The following TBCK variants were observed in gnomAD, a reference collection of about 807,000 sequenced individuals.
TBCK encodes TBC1 domain containing kinase.
A neutral mutation model predicts 113.4 loss-of-function variants in TBCK; 99 were observed. The observed-to-expected ratio is 0.87, with a 90% CI of 0.74 to 1.03. The LOEUF (loss-of-function observed/expected upper bound fraction) is 1.03. TBCK is among the 50% of genes least tolerant of loss of function. The pLI is 0.00. For missense variants in TBCK, 1,045 were observed against 1,061.3 expected (o/e 0.98, Z 0.21); for synonymous variants, 369 against 370.8 (o/e 1.00, Z 0.05).
intron 10 of TBCK, among the ~76,000 whole-genome samples, chr4:106,246,585 T>C (rs975500560): frequency 2.6e-5 from 4 of 152,096 alleles, no homozygotes; most frequent in Non-Finnish European, 5.9e-5. Context: ...TGTGTTTATG[T>C]GTATTCTAGC....
At chr4:106,306,583 CAGA>C (rs1418974902) in intron 2 of TBCK, among the ~76,000 whole-genome samples, 1 of 151,162 alleles carries the variant, frequency 6.6e-6, no homozygotes, top group East Asian at 1.9e-4. Flanking sequence ...TGGCATCTAG[CAGA>C]AGGAGGGCCA....
chr4:106,215,592 A>G (rs1218144118), intron 19 of TBCK, among the ~76,000 whole-genome samples: 1 of 152,200 alleles, frequency 6.6e-6, no homozygotes, highest in Non-Finnish European at 1.5e-5. Context: ...CAGACTTTAA[A>G]CCAGCAAAGA....
At chr4:106,182,188 G>T (rs1752474940) in intron 22 of TBCK, among the ~76,000 whole-genome samples, 1 of 152,080 alleles carries the variant, frequency 6.6e-6, no homozygotes, top group South Asian at 2.1e-4. Context: ...TTAGTGCACA[G>T]AAATACTTGT....
chr4:106,170,199 T>C (rs1244548903), intron 23 of TBCK, among the ~76,000 whole-genome samples: 5 of 152,120 alleles, frequency 3.3e-5, no homozygotes, highest in African/African-American at 7.2e-5. Flanking sequence ...ATTTGAGAAC[T>C]TACTTTCTTC....
At chr4:106,111,301 G>A (rs1299532916) in intron 24 of TBCK, among the ~76,000 whole-genome samples, 7 of 152,112 alleles carry the variant, frequency 4.6e-5, no homozygotes, top group East Asian at 3.9e-4. Flanking sequence ...CATGACTTAC[G>A]TGCTATTGAT....
intron 3 of TBCK, among the ~76,000 whole-genome samples, chr4:106,281,862 T>G (rs1579499150): frequency 6.6e-6 from 1 of 152,088 alleles, no homozygotes; most frequent in East Asian, 1.9e-4. Flanking sequence ...GGCCTGTAGT[T>G]TTCTTTCTTT....
chr4:106,232,224 T>C (rs565718586), intron 17 of TBCK, among the ~76,000 whole-genome samples: 1 of 151,934 alleles, frequency 6.6e-6, no homozygotes, highest in African/African-American at 2.4e-5. Flanking sequence ...ATATATGACA[T>C]TTCTTTTATT....
chr4:106,316,502 A>T (rs935435072), upstream of TBCK: 14 of 1,539,890 alleles, frequency 9.1e-6, no homozygotes, highest in Non-Finnish European at 1.2e-5. Context: ...AGGACACCTC[A>T]TTGGGTCCTT....
Position 106,211,592 on chromosome 4 carries a change from C to T in TBCK, c.1860+1158G>A, listed in dbSNP as rs571217614. 7.9e-5 allele frequency among the ~76,000 whole-genome samples: 12 copies of T among 151,992 alleles called. No homozygotes were observed. The South Asian group carries it at 2.1e-3, about 26-fold the overall frequency. On this transcript the variant is annotated intron_variant, in intron 20 of 25. Coordinates refer to ENST00000394708, the MANE Select transcript of TBCK (RefSeq NM_001163435.3). ...GTCTCAATATAAAATGTATTTCTTC[C>T]CATGCATTGTGAGAATAAACAGTTT...
chr4:106,231,711 A>G lies in TBCK; in HGVS notation c.1690+18T>C, dbSNP rs758050099. 19 of 1,596,106 alleles carry G rather than the reference A, an allele frequency of 1.2e-5. 2 individuals carry two copies. The South Asian group carries it at 2.0e-4, about 17-fold the overall frequency. On this transcript the variant is annotated intron_variant, in intron 18 of 25. Coordinates refer to ENST00000394708, the MANE Select transcript of TBCK (RefSeq NM_001163435.3). ...GAATATTATGCGCAATGATTATTTA[A>G]ATGTTAAAGAGGCTTACCTTCATTA...
At chr4:106,088,263 AC>A (rs1241246198) in intron 25 of TBCK, among the ~76,000 whole-genome samples, 10 of 152,210 alleles carry the variant, frequency 6.6e-5, no homozygotes, top group African/African-American at 2.4e-4. Context: ...CAAGAAAAAA[AC>A]AAACCATCCC....
At chr4:106,239,521 C>T (rs190127291) in intron 12 of TBCK, among the ~76,000 whole-genome samples, 3 of 151,918 alleles carry the variant, frequency 2.0e-5, no homozygotes, top group East Asian at 1.9e-4. Context: ...ATAGGTGTGG[C>T]GTTGCTATTT....
At chr4:106,195,597 T>C (rs545312285) in intron 20 of TBCK, among the ~76,000 whole-genome samples, 72 of 151,988 alleles carry the variant, frequency 4.7e-4, no homozygotes, top group Non-Finnish European at 7.5e-4. Context: ...AGGTATCATG[T>C]AATCAACTGA....
At chr4:106,058,772 A>G (rs1456785956) in intron 25 of TBCK, among the ~76,000 whole-genome samples, 1 of 151,758 alleles carries the variant, frequency 6.6e-6, no homozygotes, top group Non-Finnish European at 1.5e-5. Flanking sequence ...TATTTTAGCA[A>G]CTAGTCATAG....
At chr4:106,282,403 T>C (rs1764692335) in intron 3 of TBCK, among the ~76,000 whole-genome samples, 2 of 152,054 alleles carry the variant, frequency 1.3e-5, no homozygotes, top group Admixed American at 1.3e-4. Context: ...CAATTTCATT[T>C]ATTTCTGCTG....
At chr4:106,108,446 G>A (rs1490194092) in intron 24 of TBCK, among the ~76,000 whole-genome samples, 1 of 152,238 alleles carries the variant, frequency 6.6e-6, no homozygotes, top group African/African-American at 2.4e-5. Flanking sequence ...TGCAAGATTG[G>A]CTCAACATGC....
chr4:106,107,191 A>G (rs4315868), intron 24 of TBCK, among the ~76,000 whole-genome samples: 143,245 of 152,256 alleles, frequency 0.94, 67,499 homozygotes, highest in East Asian at 1. Context: ...AATAGTGGGA[A>G]ACTTCAACAC....
chr4:106,085,494 T>C (rs918523356), intron 25 of TBCK, among the ~76,000 whole-genome samples: 1 of 152,178 alleles, frequency 6.6e-6, no homozygotes, highest in Non-Finnish European at 1.5e-5. Context: ...CAAAGAGACA[T>C]AGACTCTGAC....
intron 3 of TBCK, among the ~76,000 whole-genome samples, chr4:106,272,416 C>T (rs978238740): frequency 4.0e-5 from 6 of 151,822 alleles, no homozygotes; most frequent in East Asian, 1.9e-4. Flanking sequence ...TTTCTTTTGA[C>T]GCTGATGACA....
Sources: gnomAD v4.1 joint callset for allele counts (sites outside exome capture counted in the v4.1 genomes callset) on GRCh38, gnomAD v4.1.1 for gene constraint, MANE v1.5 for transcripts, NCBI Gene and HGNC (gene_info 2026-07-23, HGNC 2026-07-21) for gene names.